The following PSD3 variants were observed in gnomAD, a reference collection of about 807,000 sequenced individuals.
The protein encoded by PSD3 is pleckstrin and Sec7 domain containing 3.
A neutral mutation model predicts 105.5 loss-of-function variants in PSD3; 49 were observed. The observed-to-expected ratio is 0.46, with a 90% CI of 0.37 to 0.59. The LOEUF (loss-of-function observed/expected upper bound fraction) is 0.59. Among genes scored for constraint, PSD3 ranks in the 20% least tolerant of loss-of-function variants. PSD3 has a pLI of 0.00. For missense variants in PSD3, 1,561 were observed against 1,263.8 expected, an observed-to-expected ratio of 1.24 and a Z score of -3.57; for synonymous variants, 557 against 457.8, an observed-to-expected ratio of 1.22 and a Z score of -2.77.
At chr8:18,970,566 G>A (rs1490388484) in intron 1 of PSD3, among the ~76,000 whole-genome samples, 46 of 152,114 alleles carry the variant, frequency 3.0e-4, no homozygotes. Flanking sequence ...ATCCTGGCAT[G>A]CTCCCCGTCC....
intron 14 of PSD3, among the ~76,000 whole-genome samples, chr8:18,564,366 C>T (rs7008125): frequency 0.34 from 51,735 of 151,912 alleles, 9,177 homozygotes; most frequent in East Asian, 0.51. Context: ...CGGTGGCTCA[C>T]GCCTGTAATC....
At chr8:18,859,712 C>T (rs1816290325) in intron 4 of PSD3, among the ~76,000 whole-genome samples, 1 of 152,174 alleles carries the variant, frequency 6.6e-6, no homozygotes, top group African/African-American at 2.4e-5. Context: ...CATAAACCAC[C>T]CTCGGCTAGC....
At chr8:18,599,961 C>T (rs1804317058) in intron 12 of PSD3, among the ~76,000 whole-genome samples, 1 of 152,036 alleles carries the variant, frequency 6.6e-6, no homozygotes, top group Non-Finnish European at 1.5e-5. Flanking sequence ...ACAATGATAA[C>T]AATATGCCAC....
intron 14 of PSD3, 100 bp downstream of exon 14, chr8:18,572,428 C>T: frequency 1.2e-5 from 18 of 1,447,140 alleles, no homozygotes; most frequent in East Asian, 2.3e-5. Flanking sequence ...AGGTCTCACA[C>T]CTGCCCCCAA....
In PSD3 at chr8:18,534,211, G is replaced by C. The variant is rs1426900913; in HGVS notation, c.*1532C>G. ...CTTCAACAAATAAACTATAGAACTA[G>C]AGAAACTTTCTAAGGGAGGAAAAAG... On this transcript the variant is annotated 3_prime_UTR_variant, in exon 16 of 16. Transcript: ENST00000327040. The C allele has an allele frequency of 6.6e-6, 1 of 152,500 alleles. No homozygotes were observed. Among genetic ancestry groups the C allele is most frequent in the Non-Finnish European group, 1.5e-5 (1 of 68,030 alleles). 9.4% of individuals were successfully genotyped at this position (152,500 alleles called of 1,614,324 possible). A position where few individuals can be genotyped will look rare whatever the true frequency, so the allele number is the denominator to read the frequency against.
At chr8:18,947,805 C>A (rs994781618) in intron 1 of PSD3, among the ~76,000 whole-genome samples, 1 of 152,114 alleles carries the variant, frequency 6.6e-6, no homozygotes, top group Non-Finnish European at 1.5e-5. Context: ...GGGCTTCTTA[C>A]CAATGGTGGT....
chr8:18,860,619 T>C (rs1179392893), intron 4 of PSD3, among the ~76,000 whole-genome samples: 1 of 152,174 alleles, frequency 6.6e-6, no homozygotes, highest in East Asian at 1.9e-4. Flanking sequence ...CAAATTTGTA[T>C]TCCTGTGTAA....
chr8:18,909,041 C>T (rs1320431747), intron 2 of PSD3, among the ~76,000 whole-genome samples: 4 of 152,172 alleles, frequency 2.6e-5, no homozygotes, highest in Admixed American at 2.6e-4. Context: ...TCAAAGTTTA[C>T]TATGACAAAG....
chr8:18,782,270 T>G (rs1158765523), intron 8 of PSD3, among the ~76,000 whole-genome samples: 1 of 152,208 alleles, frequency 6.6e-6, no homozygotes, highest in Admixed American at 6.5e-5. Flanking sequence ...CATTTATATC[T>G]ATGCATCTGG....
At chr8:18,609,954 C>T (rs1214195984) in intron 11 of PSD3, among the ~76,000 whole-genome samples, 1 of 152,174 alleles carries the variant, frequency 6.6e-6, no homozygotes, top group African/African-American at 2.4e-5. Flanking sequence ...ACACAGTATT[C>T]CAGTATTCAG....
Position 18,872,682 on chromosome 8 carries a change from G to A in PSD3, c.182C>T (p.Pro61Leu), listed in dbSNP as rs748067125. 52 of 1,592,090 alleles carry A rather than the reference G, an allele frequency of 3.3e-5. No individual in the cohort carries two copies. The highest frequency in any genetic ancestry group is 4.3e-5 in the Non-Finnish European group (50 of 1,172,240). ...LLPPNVTNEF[P>L]EYGTMEEGGE... ...ACCTTCCTCCATGGTCCCATATTCT[G>A]GAAATTCATTTGTGACATTTGGTGG... is the stretch of plus-strand genomic sequence containing the variant. Residue 61 changes from proline (P) to leucine (L), a missense_variant, in exon 3 of 16, where the codon CCA (proline) becomes CTA (leucine). Pro to Leu is a moderately conservative substitution (Grantham distance 98). Transcript: ENST00000327040.
At chr8:18,911,347 C>G (rs1422600360) in intron 2 of PSD3, among the ~76,000 whole-genome samples, 2 of 152,220 alleles carry the variant, frequency 1.3e-5, no homozygotes, top group African/African-American at 4.8e-5. Context: ...AGTTAGCACA[C>G]TGTCACTTGG....
At chr8:18,896,957 T>C (rs577334123) in intron 2 of PSD3, among the ~76,000 whole-genome samples, 1 of 152,002 alleles carries the variant, frequency 6.6e-6, no homozygotes, top group East Asian at 1.9e-4. Flanking sequence ...ATTACAGGCA[T>C]GCACCACCAT....
At chr8:18,784,211 T>C (rs889379741) in intron 8 of PSD3, among the ~76,000 whole-genome samples, 3 of 152,210 alleles carry the variant, frequency 2.0e-5, no homozygotes, top group African/African-American at 7.2e-5. Context: ...TATTTCCTTG[T>C]TGATATCGTG....
intron 2 of PSD3, among the ~76,000 whole-genome samples, chr8:18,903,808 G>C (rs1819666207): frequency 6.6e-6 from 1 of 152,110 alleles, no homozygotes; most frequent in African/African-American, 2.4e-5. Context: ...GGGGGCCAAG[G>C]CACCGTTTTG....
In PSD3 at chr8:18,867,661, A is replaced by G. The variant is rs760249608; in HGVS notation, c.1634+13T>C. 3 of 1,588,298 alleles carry G rather than the reference A, an allele frequency of 1.9e-6. No homozygotes were observed. Among genetic ancestry groups the G allele is most frequent in the Non-Finnish European group, 8.6e-7 (1 of 1,166,160 alleles). ...AACCACCAGCATGAAATGAATGAGA[A>G]TGGGACGAGTACCTTCCCCAGAAAG... On this transcript the variant is annotated intron_variant, in intron 4 of 15. Coordinates refer to ENST00000327040, the MANE Select transcript of PSD3 (RefSeq NM_015310.4).
At chr8:18,752,566 T>A (rs557501780) in intron 9 of PSD3, among the ~76,000 whole-genome samples, 11 of 76,244 alleles carry the variant, frequency 1.4e-4, no homozygotes, top group African/African-American at 9.4e-4. Flanking sequence ...TTATATATAT[T>A]ATATATATAA....
intron 4 of PSD3, among the ~76,000 whole-genome samples, chr8:18,822,855 G>C (rs1291608314): frequency 6.6e-6 from 1 of 152,088 alleles, no homozygotes; most frequent in Non-Finnish European, 1.5e-5. Context: ...AGATGACCAG[G>C]TTCAGGTATT....
chr8:18,870,094 G>A (rs1817223821), intron 3 of PSD3, among the ~76,000 whole-genome samples: 1 of 152,156 alleles, frequency 6.6e-6, no homozygotes, highest in African/African-American at 2.4e-5. Flanking sequence ...TGATGGGTTG[G>A]GGAGGGGAGT....
Sources: gnomAD v4.1 joint callset for allele counts (sites outside exome capture counted in the v4.1 genomes callset) on GRCh38, gnomAD v4.1.1 for gene constraint, MANE v1.5 for transcripts, NCBI Gene and HGNC (gene_info 2026-07-23, HGNC 2026-07-21) for gene names.